Variants in RAPGEF1 observed in about 807,000 individuals in gnomAD.
The protein encoded by RAPGEF1 is Rap guanine nucleotide exchange factor 1, also known as CRK SH3-binding GNRP.
RAPGEF1 carries 33 observed loss-of-function variants against 143.3 expected under a neutral mutation model. The ratio of observed to expected loss-of-function variants is 0.23; its 90% confidence interval spans 0.17 to 0.31. The LOEUF (loss-of-function observed/expected upper bound fraction) is 0.31, where lower values mean the gene tolerates loss of function less well. Ranked by LOEUF, RAPGEF1 falls within the 10% of genes least tolerant of loss-of-function variation. The probability of loss-of-function intolerance (pLI) is 1.00; values close to 1 mark genes in which losing one functional copy is unlikely to be tolerated. For synonymous variants in RAPGEF1, 629 were observed against 676.5 expected (o/e 0.93, Z 1.09); for missense variants, 1,199 against 1,645.4 (o/e 0.73, Z 4.69).
chr9:131,627,588 C>T (rs1963627868), intron 9 of RAPGEF1, among the ~76,000 whole-genome samples: 1 of 152,180 alleles, frequency 6.6e-6, no homozygotes, highest in Non-Finnish European at 1.5e-5. Flanking sequence ...GGACCCCCAC[C>T]CCTTTGTTTA....
intron 9 of RAPGEF1, among the ~76,000 whole-genome samples, chr9:131,626,738 T>C (rs1469069221): frequency 6.6e-6 from 1 of 152,210 alleles, no homozygotes; most frequent in Non-Finnish European, 1.5e-5. Context: ...ATAATCTAAC[T>C]GTACTTTCTA....
intron 1 of RAPGEF1, among the ~76,000 whole-genome samples, chr9:131,671,607 GCA>G (rs1242088722): frequency 6.6e-6 from 1 of 152,202 alleles, no homozygotes; most frequent in Non-Finnish European, 1.5e-5. Context: ...CAGGGCTATG[GCA>G]CACTGTGAGG....
intron 1 of RAPGEF1, among the ~76,000 whole-genome samples, chr9:131,653,919 A>G (rs1253115401): frequency 6.6e-6 from 1 of 152,268 alleles, no homozygotes; most frequent in Non-Finnish European, 1.5e-5. Flanking sequence ...AATGTATTAT[A>G]TCCATACAAT....
intron 12 of RAPGEF1, among the ~76,000 whole-genome samples, chr9:131,616,056 C>T (rs963932143): frequency 7.2e-5 from 11 of 152,120 alleles, no homozygotes; most frequent in African/African-American, 2.7e-4. Context: ...CACCTGAGGT[C>T]AGGAGTTTGA....
chr9:131,604,452 C>T (rs544865100), intron 13 of RAPGEF1, among the ~76,000 whole-genome samples: 3 of 152,352 alleles, frequency 2.0e-5, no homozygotes, highest in South Asian at 2.1e-4. Flanking sequence ...TTGGACGAAG[C>T]GCTACAGGCA....
chr9:131,617,902 G>A (rs761237702), intron 12 of RAPGEF1, among the ~76,000 whole-genome samples: 69 of 152,220 alleles, frequency 4.5e-4, no homozygotes, highest in Non-Finnish European at 6.8e-4. Context: ...TTTAACAGAC[G>A]AAAGGGAGAA....
At chr9:131,717,438 G>A (rs555354047) in intron 1 of RAPGEF1, among the ~76,000 whole-genome samples, 17 of 152,304 alleles carry the variant, frequency 1.1e-4, no homozygotes, top group Admixed American at 4.6e-4. Flanking sequence ...TGAAATAGCA[G>A]CCGACAGGGA....
At chr9:131,678,152 A>T (rs1456151717) in intron 1 of RAPGEF1, among the ~76,000 whole-genome samples, 1 of 152,230 alleles carries the variant, frequency 6.6e-6, no homozygotes. Context: ...CACACAGCAA[A>T]TGAGACACTT....
chr9:131,733,645 C>T (rs899576647), intron 1 of RAPGEF1, among the ~76,000 whole-genome samples: 2 of 152,038 alleles, frequency 1.3e-5, no homozygotes, highest in Non-Finnish European at 2.9e-5. Context: ...AGACGGGTGA[C>T]GAGTCAGAGG....
chr9:131,649,200 A>ATTTTTTTTTTTTTTTTTTTTT (rs55813422), intron 3 of RAPGEF1, among the ~76,000 whole-genome samples: 3 of 87,236 alleles, frequency 3.4e-5, no homozygotes, highest in Non-Finnish European at 4.2e-5. Context: ...GCCTGGCTAA[A>ATTTTTTTTTTTTTTTTTTTTT]TTTTTTTTTT....
chr9:131,649,200 A>ATTTTTTTTTTTTTTTTTTTTTTTTTT (rs55813422), intron 3 of RAPGEF1, among the ~76,000 whole-genome samples: 3 of 87,236 alleles, frequency 3.4e-5, no homozygotes, highest in African/African-American at 4.6e-5. Context: ...GCCTGGCTAA[A>ATTTTTTTTTTTTTTTTTTTTTTTTTT]TTTTTTTTTT....
chr9:131,612,771 C>T (rs1304152908), intron 12 of RAPGEF1, among the ~76,000 whole-genome samples: 2 of 152,198 alleles, frequency 1.3e-5, no homozygotes, highest in Non-Finnish European at 2.9e-5. Context: ...TGGAAAAGCA[C>T]AGGGGGAACG....
chr9:131,647,417 C>A (rs114356686), intron 3 of RAPGEF1, among the ~76,000 whole-genome samples: 53 of 152,296 alleles, frequency 3.5e-4, no homozygotes, highest in African/African-American at 1.2e-3. Flanking sequence ...AAGGAGCCCT[C>A]GGGAAGTGGC....
intron 15 of RAPGEF1, 163 bp from the exon 16 acceptor site, chr9:131,598,473 G>A (rs1263505649): frequency 2.8e-6 from 2 of 706,406 alleles, no homozygotes; most frequent in Non-Finnish European, 5.1e-6. Context: ...CTCTGCTACT[G>A]ACTGGCTGTG....
intron 1 of RAPGEF1, among the ~76,000 whole-genome samples, chr9:131,664,028 T>C (rs565077088): frequency 6.6e-6 from 1 of 152,340 alleles, no homozygotes; most frequent in African/African-American, 2.4e-5. Context: ...TTGGTATCAC[T>C]ATGGACCTGG....
intron 15 of RAPGEF1, among the ~76,000 whole-genome samples, chr9:131,601,336 G>A (rs1180834984): frequency 6.6e-6 from 1 of 152,196 alleles, no homozygotes; most frequent in East Asian, 1.9e-4. Flanking sequence ...CTGATAACAA[G>A]TTTGTAAGTG....
chr9:131,628,969 G>T lies in RAPGEF1; in HGVS notation c.893+133C>A. The T allele has an allele frequency of 8.0e-7, 1 of 1,248,632 alleles. No individual in the cohort carries two copies. The highest frequency in any genetic ancestry group is 1.5e-5 in the South Asian group (1 of 64,900). 77.3% of individuals were successfully genotyped at this position (1,248,632 alleles called of 1,614,324 possible). A position where few individuals can be genotyped will look rare whatever the true frequency, so the allele number is the denominator to read the frequency against. On this transcript the variant is annotated intron_variant, in intron 7 of 26. Coordinates refer to ENST00000683357, the MANE Select transcript of RAPGEF1 (RefSeq NM_001377935.1). The surrounding 1 kb of genome is among the most constrained non-coding windows in gnomAD (Gnocchi z 5.7). ...TGGCCAGCGAGGGCCGGCGGGGTGG[G>T]GACAGCTCCAGAGTCAGCCTCCCAA...
intron 1 of RAPGEF1, among the ~76,000 whole-genome samples, chr9:131,734,266 C>A (rs1837278014): frequency 6.6e-6 from 1 of 152,184 alleles, no homozygotes; most frequent in Admixed American, 6.5e-5. Flanking sequence ...GGCAAACAAC[C>A]AAATTTCCCT....
At chr9:131,660,065 G>T (rs1329844667) in intron 1 of RAPGEF1, among the ~76,000 whole-genome samples, 1 of 152,090 alleles carries the variant, frequency 6.6e-6, no homozygotes, top group South Asian at 2.1e-4. Flanking sequence ...TGATCCGCCC[G>T]CCTCGGCCTC....
Sources: gnomAD v4.1 joint callset for allele counts (sites outside exome capture counted in the v4.1 genomes callset) on GRCh38, gnomAD v4.1.1 for gene constraint, Gnocchi (gnomAD v3.1) non-coding constraint, MANE v1.5 for transcripts, NCBI Gene and HGNC (gene_info 2026-07-23, HGNC 2026-07-21) for gene names.